The following SPATS2L variants were observed in gnomAD, a reference collection of about 807,000 sequenced individuals.
The protein encoded by SPATS2L is SPATS2-like protein.
Under a neutral mutation model 59.6 loss-of-function variants are expected in SPATS2L, and 30 were observed. The observed-to-expected ratio is 0.50, with a 90% confidence interval of 0.38 to 0.68. The LOEUF (loss-of-function observed/expected upper bound fraction) is 0.68. Among genes scored for constraint, SPATS2L ranks in the 30% least tolerant of loss-of-function variants. The probability of loss-of-function intolerance (pLI) is 0.00; values close to 1 mark genes in which losing one functional copy is unlikely to be tolerated. For synonymous variants in SPATS2L, 252 were observed against 263.5 expected (o/e 0.96, Z 0.42); for missense variants, 615 against 700.0 (o/e 0.88, Z 1.37).
intron 6 of SPATS2L, among the ~76,000 whole-genome samples, chr2:200,423,029 A>G (rs948050192): frequency 6.6e-6 from 1 of 152,188 alleles, no homozygotes; most frequent in Non-Finnish European, 1.5e-5. Flanking sequence ...CAGGTATCGT[A>G]TATGGCATGG....
intron 8 of SPATS2L, among the ~76,000 whole-genome samples, chr2:200,452,891 TTA>T (rs992214527): frequency 2.8e-4 from 7 of 25,344 alleles, no homozygotes; most frequent in Admixed American, 2.5e-3. Flanking sequence ...AGTGCTGCAT[TTA>T]AAAAAAAAAA....
chr2:200,443,991 G>C (rs1286817720), intron 8 of SPATS2L, among the ~76,000 whole-genome samples: 1 of 152,196 alleles, frequency 6.6e-6, no homozygotes, highest in Non-Finnish European at 1.5e-5. Context: ...GACCATAACA[G>C]AGCATTCTCA....
chr2:200,321,244 T>C (rs2079551151), intron 1 of SPATS2L, among the ~76,000 whole-genome samples: 1 of 152,128 alleles, frequency 6.6e-6, no homozygotes, highest in Non-Finnish European at 1.5e-5. Flanking sequence ...CATGACATAG[T>C]CGGTAAAGAG....
chr2:200,466,450 A>G (rs1268090430), intron 9 of SPATS2L, among the ~76,000 whole-genome samples: 1 of 152,242 alleles, frequency 6.6e-6, no homozygotes, highest in Non-Finnish European at 1.5e-5. Flanking sequence ...ACTGAGCGCC[A>G]TAATCTTTTG....
chr2:200,408,642 C>T (rs1399031886), intron 3 of SPATS2L, among the ~76,000 whole-genome samples: 5 of 152,316 alleles, frequency 3.3e-5, no homozygotes, highest in East Asian at 3.9e-4. Flanking sequence ...AATCTGTTAA[C>T]GGCTCTTAAC....
intron 11 of SPATS2L, 85 bp downstream of exon 11, chr2:200,470,101 G>A: frequency 2.7e-6 from 3 of 1,093,410 alleles, no homozygotes; most frequent in Non-Finnish European, 4.0e-6. Flanking sequence ...CAGGTGTGCA[G>A]TCCCCCCAGG....
At chr2:200,445,142 C>G (rs2084948775) in intron 8 of SPATS2L, among the ~76,000 whole-genome samples, 1 of 151,102 alleles carries the variant, frequency 6.6e-6, no homozygotes, top group Non-Finnish European at 1.5e-5. Flanking sequence ...GAGACCTTGT[C>G]TCTACAAAAA....
intron 2 of SPATS2L, among the ~76,000 whole-genome samples, chr2:200,357,908 A>C (rs1467559716): frequency 2.0e-5 from 3 of 152,188 alleles, no homozygotes; most frequent in Non-Finnish European, 2.9e-5. Flanking sequence ...CATCAGTTTG[A>C]ATTTATAACT....
At chr2:200,461,071 C>T in intron 9 of SPATS2L, 1 of 152,218 alleles carries the variant, frequency 6.6e-6, no homozygotes, top group Non-Finnish European at 1.5e-5. Context: ...CTCAGCCTCC[C>T]AAAGTGCTGG....
intron 1 of SPATS2L, among the ~76,000 whole-genome samples, chr2:200,322,414 CAG>C (rs1176045858): frequency 6.6e-6 from 1 of 152,112 alleles, no homozygotes; most frequent in African/African-American, 2.4e-5. Flanking sequence ...ACTTGTATAT[CAG>C]GGGTTGAATG....
At chr2:200,477,531 A>AAAAAAAAAAAAAAAAAAAAAAC (rs2087634817) in intron 12 of SPATS2L, 105 bp from the exon 13 acceptor site, 1 of 789,908 alleles carries the variant, frequency 1.3e-6, no homozygotes, top group African/African-American at 1.9e-5. Context: ...AAAAAAAAAA[A>AAAAAAAAAAAAAAAAAAAAAAC]AAAAAAAGCT....
At chr2:200,313,598 C>T (rs1219437309) in intron 1 of SPATS2L, among the ~76,000 whole-genome samples, 1 of 152,184 alleles carries the variant, frequency 6.6e-6, no homozygotes, top group African/African-American at 2.4e-5. Flanking sequence ...TATAAACATG[C>T]ATAAGTCTTT....
intron 9 of SPATS2L, chr2:200,463,233 T>C (rs1390084090): frequency 6.6e-6 from 1 of 152,198 alleles, no homozygotes; most frequent in Non-Finnish European, 1.5e-5. Context: ...CCACCATCTT[T>C]AATTTGGTTC....
chr2:200,337,277 A>G (rs1207153921), intron 2 of SPATS2L, among the ~76,000 whole-genome samples: 1 of 152,226 alleles, frequency 6.6e-6, no homozygotes, highest in Non-Finnish European at 1.5e-5. Flanking sequence ...TTAATAAAGT[A>G]ATGGAAAGGA....
chr2:200,347,344 C>G (rs1378330153), intron 2 of SPATS2L, among the ~76,000 whole-genome samples: 1 of 152,164 alleles, frequency 6.6e-6, no homozygotes, highest in East Asian at 1.9e-4. Flanking sequence ...TCCAGGAAAC[C>G]TCTTCAGTGG....
intron 2 of SPATS2L, among the ~76,000 whole-genome samples, chr2:200,368,720 A>G (rs563906146): frequency 1.3e-5 from 2 of 152,280 alleles, no homozygotes; most frequent in Admixed American, 1.3e-4. Context: ...AATCCCAAAT[A>G]TTTCAGAGAA....
chr2:200,390,468 G>T (rs2082136434), intron 3 of SPATS2L: 1 of 152,574 alleles, frequency 6.6e-6, no homozygotes, highest in Admixed American at 6.5e-5. Context: ...CCTCTGTGTG[G>T]AGTGGTCAGG....
intron 2 of SPATS2L, among the ~76,000 whole-genome samples, chr2:200,380,824 A>C (rs2081783669): frequency 6.6e-6 from 1 of 152,234 alleles, no homozygotes. Flanking sequence ...TCTCCAAATT[A>C]AACAAAAAAT....
chr2:200,378,243 CTG>C, intron 2 of SPATS2L: 1 of 1,002,538 alleles, frequency 1.0e-6, no homozygotes, highest in Non-Finnish European at 1.2e-6. Flanking sequence ...AGATGACTTA[CTG>C]GTCACAGTAA....
Sources: gnomAD v4.1 joint callset for allele counts (sites outside exome capture counted in the v4.1 genomes callset) on GRCh38, gnomAD v4.1.1 for gene constraint, MANE v1.5 for transcripts, NCBI Gene and HGNC (gene_info 2026-07-23, HGNC 2026-07-21) for gene names.